Variants in C2orf42 observed in about 807,000 individuals in gnomAD.
C2orf42 encodes the protein chromosome 2 open reading frame 42, also known as uncharacterized protein C2orf42.
In C2orf42, 44 loss-of-function variants were observed where a neutral mutation model predicts 58.9. The observed-to-expected ratio is 0.75, with a 90% CI of 0.59 to 0.96. The LOEUF is 0.96. Ranked by LOEUF, C2orf42 falls within the 40% of genes least tolerant of loss-of-function variation. The pLI, the probability that C2orf42 is intolerant of heterozygous loss-of-function variation, is 0.00. For synonymous variants in C2orf42, 239 were observed against 265.4 expected (o/e 0.90, Z 0.97); for missense variants, 630 against 699.2 (o/e 0.90, Z 1.12).
chr2:70,171,864 T>C (rs1673842440), intron 5 of C2orf42, among the ~76,000 whole-genome samples: 1 of 151,482 alleles, frequency 6.6e-6, no homozygotes. Flanking sequence ...CTGGAGTAAA[T>C]AACTGGAAAA....
chr2:70,183,414 G>A (rs1674704559), intron 1 of C2orf42, among the ~76,000 whole-genome samples: 1 of 152,010 alleles, frequency 6.6e-6, no homozygotes, highest in Non-Finnish European at 1.5e-5. Context: ...TGGCGACAGA[G>A]CAGGACCCCA....
intron 8 of C2orf42, among the ~76,000 whole-genome samples, chr2:70,163,467 G>A (rs909198743): frequency 1.5e-4 from 22 of 150,756 alleles, no homozygotes; most frequent in Middle Eastern, 3.5e-3. Flanking sequence ...GGATGGTCTC[G>A]ATCTCCTGAC....
intron 6 of C2orf42, 112 bp downstream of exon 6, chr2:70,169,445 G>A: frequency 2.0e-6 from 1 of 492,338 alleles, no homozygotes; most frequent in East Asian, 3.1e-5. Context: ...TTGTGGCCCA[G>A]TGCTCTCTGG....
chr2:70,171,792 G>A (rs1673839163), intron 5 of C2orf42, among the ~76,000 whole-genome samples: 1 of 151,916 alleles, frequency 6.6e-6, no homozygotes, highest in East Asian at 1.9e-4. Flanking sequence ...TTACAGGCAT[G>A]AGCCACTGCA....
intron 1 of C2orf42, among the ~76,000 whole-genome samples, chr2:70,186,479 G>C (rs1306028880): frequency 6.6e-6 from 1 of 152,160 alleles, no homozygotes; most frequent in Non-Finnish European, 1.5e-5. Context: ...AGAGGATGTG[G>C]AGAAATAGGA....
chr2:70,170,932 A>G (rs1474846713), intron 5 of C2orf42, among the ~76,000 whole-genome samples: 2 of 150,900 alleles, frequency 1.3e-5, no homozygotes, highest in African/African-American at 4.9e-5. Context: ...TGGCTAATAC[A>G]GTGAAACCCC....
intron 9 of C2orf42, among the ~76,000 whole-genome samples, chr2:70,155,937 C>T (rs1286186001): frequency 6.6e-6 from 1 of 152,120 alleles, no homozygotes; most frequent in African/African-American, 2.4e-5. Flanking sequence ...GGGCAGATCA[C>T]CTGAGGTTGG....
intron 5 of C2orf42, among the ~76,000 whole-genome samples, chr2:70,175,153 G>A (rs1294541747): frequency 6.6e-6 from 1 of 152,020 alleles, no homozygotes; most frequent in Non-Finnish European, 1.5e-5. Flanking sequence ...GTAGAGACAG[G>A]GTTTTGCCAC....
intron 1 of C2orf42, among the ~76,000 whole-genome samples, chr2:70,186,286 C>T (rs965140323): frequency 2.0e-5 from 3 of 151,396 alleles, no homozygotes; most frequent in Admixed American, 6.6e-5. Context: ...AGCTACGATA[C>T]GACATATATA....
In C2orf42 at chr2:70,175,770, C is replaced by A; in HGVS notation, c.942G>T (p.Gln314His). The A allele has an allele frequency of 6.3e-7, 1 of 1,595,978 alleles. No individual in the cohort carries two copies. The highest frequency in any genetic ancestry group is 1.1e-5 in the South Asian group (1 of 90,720). The change falls in exon 5 of 10, where the codon CAG (glutamine) becomes CAT (histidine). Residue 314 changes from glutamine (Q) to histidine (H), a missense_variant. Physicochemically the swap from Gln to His is conservative, Grantham distance 24. Coordinates refer to ENST00000264434, the MANE Select transcript of C2orf42 (RefSeq NM_017880.3). The part of the protein sequence containing the change: ...KRRKDEVSGA[Q>H]MNSSLLPQDA... ...CTTGAGGCAGTAGTGAACTGTTCAT[C>A]TGTGCACCTAAACCACAAATCATTA...
At chr2:70,169,149 C>T (rs757986357) in intron 6 of C2orf42, among the ~76,000 whole-genome samples, 6 of 151,790 alleles carry the variant, frequency 4.0e-5, no homozygotes, top group Non-Finnish European at 7.4e-5. Flanking sequence ...AGATGGGGTT[C>T]ACTATGTTGT....
At chr2:70,175,371 G>A (rs1335322903) in intron 5 of C2orf42, among the ~76,000 whole-genome samples, 6 of 152,118 alleles carry the variant, frequency 3.9e-5, no homozygotes, top group Admixed American at 3.3e-4. Flanking sequence ...ATAAGCCCCA[G>A]TGTGTGTTGC....
chr2:70,189,898 TGCA>T (rs1675226559), intron 1 of C2orf42, among the ~76,000 whole-genome samples: 1 of 150,382 alleles, frequency 6.6e-6, no homozygotes, highest in Admixed American at 6.6e-5. Context: ...GTGAAAAAAG[TGCA>T]GCACTTTGTA....
intron 9 of C2orf42, among the ~76,000 whole-genome samples, chr2:70,152,422 T>G (rs1461494045): frequency 1.3e-5 from 2 of 152,178 alleles, no homozygotes; most frequent in Non-Finnish European, 2.9e-5. Context: ...GATAAAAACT[T>G]ACAACTGATG....
At chr2:70,183,474 G>A (rs928589859) in intron 1 of C2orf42, among the ~76,000 whole-genome samples, 1 of 151,160 alleles carries the variant, frequency 6.6e-6, no homozygotes, top group Non-Finnish European at 1.5e-5. Context: ...TGCTCACCCA[G>A]GCTGGAGTGC....
chr2:70,151,731 C>T (rs569205019), intron 9 of C2orf42, among the ~76,000 whole-genome samples: 1 of 152,158 alleles, frequency 6.6e-6, no homozygotes, highest in East Asian at 1.9e-4. Flanking sequence ...ATACATTTTT[C>T]TCTCAGCACT....
rs996701064 is a variant in C2orf42 at position 70,165,742 on chromosome 2, T to C, written c.1145-107A>G. 114 of 668,322 alleles carry C rather than the reference T, an allele frequency of 1.7e-4. No individual in the cohort carries two copies. The East Asian group carries it at 2.0e-3, about 12-fold the overall frequency. 41.4% of individuals were successfully genotyped at this position (668,322 alleles called of 1,614,324 possible). A position where few individuals can be genotyped will look rare whatever the true frequency, so the allele number is the denominator to read the frequency against. ...ATCAAGGGACGGTAATAACTAAAAA[T>C]ACCACTGAGATTTCTTTATACAGAG... On this transcript the variant is annotated intron_variant, in intron 6 of 9. Transcript: ENST00000264434.
intron 8 of C2orf42, among the ~76,000 whole-genome samples, chr2:70,162,605 T>A (rs1020704594): frequency 6.6e-6 from 1 of 151,674 alleles, no homozygotes; most frequent in African/African-American, 2.4e-5. Context: ...GATTGTGCCC[T>A]GCATTCCAGC....
chr2:70,185,722 T>A (rs367671796), intron 1 of C2orf42, among the ~76,000 whole-genome samples: 1,593 of 148,438 alleles, frequency 0.011, 30 homozygotes, highest in African/African-American at 0.035. Context: ...CAAAAAAAAA[T>A]ATATATATAT....
Sources: allele counts gnomAD v4.1 joint callset (sites outside exome capture counted in the v4.1 genomes callset), GRCh38; gene constraint gnomAD v4.1.1; transcripts MANE v1.5; gene names NCBI Gene and HGNC (gene_info 2026-07-23, HGNC 2026-07-21).